The following GDAP1 variants were observed in gnomAD, a reference collection of about 807,000 sequenced individuals.
GDAP1 encodes the protein ganglioside-induced differentiation-associated protein 1.
In GDAP1, 34 loss-of-function variants were observed where a neutral mutation model predicts 40.1. The ratio of observed to expected loss-of-function variants is 0.85; its 90% CI spans 0.64 to 1.13. The LOEUF is 1.13. Ranked by LOEUF, GDAP1 falls within the 50% of genes most tolerant of loss-of-function variation. The probability of loss-of-function intolerance (pLI) is 0.00; values close to 1 mark genes in which losing one functional copy is unlikely to be tolerated. For synonymous variants in GDAP1, 170 were observed against 157.4 expected, an observed-to-expected ratio of 1.08 and a Z score of -0.60; for missense variants, 374 against 433.7, an observed-to-expected ratio of 0.86 and a Z score of 1.22.
At chr8:74,423,217 T>C (rs1805902054) in intron 2 of GDAP1, among the ~76,000 whole-genome samples, 1 of 147,100 alleles carries the variant, frequency 6.8e-6, no homozygotes, top group African/African-American at 2.5e-5. Context: ...AGTATATATG[T>C]ATACTATATA....
At chr8:74,484,188 A>G (rs1026119846) in intron 2 of GDAP1, among the ~76,000 whole-genome samples, 5 of 152,326 alleles carry the variant, frequency 3.3e-5, no homozygotes, top group African/African-American at 7.2e-5. Context: ...GTGAAGTTAT[A>G]TTATAAAATT....
chr8:74,426,069 G>A (rs1805944088), intron 2 of GDAP1, among the ~76,000 whole-genome samples: 1 of 152,172 alleles, frequency 6.6e-6, no homozygotes, highest in South Asian at 2.1e-4. Context: ...AGATATACAT[G>A]AATATTGCAT....
intron 2 of GDAP1, among the ~76,000 whole-genome samples, chr8:74,389,971 G>A (rs573893041): frequency 2.0e-5 from 3 of 151,890 alleles, no homozygotes; most frequent in African/African-American, 4.8e-5. Flanking sequence ...CTTTTCTTCC[G>A]CTAGATCAAT....
At chr8:74,468,156 C>G (rs1395324803) in intron 2 of GDAP1, among the ~76,000 whole-genome samples, 1 of 151,908 alleles carries the variant, frequency 6.6e-6, no homozygotes, top group Non-Finnish European at 1.5e-5. Context: ...GCACCATACT[C>G]TTTAAATTAC....
At chr8:74,359,640 A>G (rs1809259465) in intron 2 of GDAP1, among the ~76,000 whole-genome samples, 1 of 152,174 alleles carries the variant, frequency 6.6e-6, no homozygotes, top group Middle Eastern at 3.2e-3. Context: ...CATTCAATTA[A>G]CCAAACTTTA....
chr8:74,420,639 A>G (rs1205531686), intron 2 of GDAP1, among the ~76,000 whole-genome samples: 2 of 152,096 alleles, frequency 1.3e-5, no homozygotes, highest in Non-Finnish European at 2.9e-5. Context: ...TACCTACTTC[A>G]TTTCTTCCTT....
chr8:74,398,862 C>T lies in GDAP1; in HGVS notation c.165+47541C>T, dbSNP rs1234824874. On this transcript the variant is annotated intron_variant, in intron 2 of 2. Transcript: ENST00000523640. ...ATGCTGGATTGCATTTATTGATTTG[C>T]GTATATTGAACCAGCCTTGCATCGC... 5.3e-5 allele frequency among the ~76,000 whole-genome samples: 8 copies of T among 151,910 alleles called. 1 individual carries two copies. Among genetic ancestry groups the T allele is most frequent in the East Asian group, 3.9e-4 (2 of 5,192 alleles).
chr8:74,352,395 CCA>C (rs1191002142), intron 2 of GDAP1, among the ~76,000 whole-genome samples: 1 of 128,638 alleles, frequency 7.8e-6, no homozygotes, highest in Non-Finnish European at 1.6e-5. Context: ...TCATCTGCCA[CCA>C]GTTATGTTGA....
intron 2 of GDAP1, among the ~76,000 whole-genome samples, chr8:74,410,910 A>G (rs896497457): frequency 6.7e-6 from 1 of 150,230 alleles, no homozygotes; most frequent in Admixed American, 6.6e-5. Context: ...TGTCCCACCC[A>G]AATCTCATCT....
intron 2 of GDAP1, among the ~76,000 whole-genome samples, chr8:74,486,654 G>A (rs886787043): frequency 3.9e-5 from 6 of 152,174 alleles, no homozygotes; most frequent in South Asian, 4.1e-4. Context: ...ACTGAGTAGT[G>A]AAGGTTGTTG....
At chr8:74,474,967 C>T (rs996364515) in intron 2 of GDAP1, among the ~76,000 whole-genome samples, 2 of 152,016 alleles carry the variant, frequency 1.3e-5, no homozygotes, top group African/African-American at 4.8e-5. Context: ...AATTTTGGCG[C>T]TCATTGTTGG....
At position 74,410,916 on chromosome 8, in the gene GDAP1, C is replaced by T. The variant is rs562890178; in HGVS notation, c.165+59595C>T. ...GTTTGGCTGTGTCCCACCCAAATCT[C>T]ATCTCAAATTGTAATCCCCATGTGT... On this transcript the variant is annotated intron_variant, in intron 2 of 2. Transcript: ENST00000523640. Among the ~76,000 whole-genome samples, 46 of 150,274 alleles carry T rather than the reference C, an allele frequency of 3.1e-4. 4 individuals are homozygous for T. Among genetic ancestry groups the T allele is most frequent in the African/African-American group, 1.1e-3 (45 of 39,568 alleles).
At chr8:74,400,072 G>A (rs1810295707) in intron 2 of GDAP1, among the ~76,000 whole-genome samples, 1 of 148,060 alleles carries the variant, frequency 6.8e-6, no homozygotes, top group African/African-American at 2.7e-5. Context: ...AGGTCCGCTT[G>A]GTGCAGAGCT....
chr8:74,396,352 A>C (rs1810199368), intron 2 of GDAP1, among the ~76,000 whole-genome samples: 1 of 149,768 alleles, frequency 6.7e-6, no homozygotes, highest in African/African-American at 2.4e-5. Flanking sequence ...CCTTCCTTTT[A>C]TTTTATTATT....
chr8:74,409,714 C>T (rs1048829406), intron 2 of GDAP1, among the ~76,000 whole-genome samples: 1 of 150,036 alleles, frequency 6.7e-6, no homozygotes, highest in Non-Finnish European at 1.5e-5. Flanking sequence ...GGAATTGAAA[C>T]TTACCAGGTT....
chr8:74,405,931 A>G (rs569114227), intron 2 of GDAP1, among the ~76,000 whole-genome samples: 14 of 150,142 alleles, frequency 9.3e-5, no homozygotes, highest in Non-Finnish European at 2.1e-4. Flanking sequence ...GTGTTCTGGC[A>G]GAGAATAGAT....
chr8:74,435,651 G>T (rs1213324274), intron 2 of GDAP1, among the ~76,000 whole-genome samples: 1 of 152,184 alleles, frequency 6.6e-6, no homozygotes, highest in Non-Finnish European at 1.5e-5. Flanking sequence ...AGATCAAAGA[G>T]TAAGAATCTT....
rs574924859 is a variant in GDAP1 at position 74,351,921 on chromosome 8, GAATT to G, written c.310+456_310+459del. Among the ~76,000 whole-genome samples the G allele has an allele frequency of 2.0e-5, 3 of 152,266 alleles. No individual in the cohort carries two copies. The South Asian group carries it at 6.2e-4, about 32-fold the overall frequency. On this transcript the variant is annotated intron_variant, in intron 2 of 5. Transcript: ENST00000220822. ...TGAGTTCTTTGCCCCAGTCACTTCT[GAATT>G]GTTTGAATTTTATATCTTTACTAAG... is the stretch of plus-strand genomic sequence containing the variant.
intron 2 of GDAP1, among the ~76,000 whole-genome samples, chr8:74,434,637 C>A (rs1198886717): frequency 6.6e-6 from 1 of 152,202 alleles, no homozygotes; most frequent in East Asian, 1.9e-4. Context: ...GCCAACTCTG[C>A]TCATGGATAG....
Sources: gnomAD v4.1 joint callset for allele counts (sites outside exome capture counted in the v4.1 genomes callset) on GRCh38, gnomAD v4.1.1 for gene constraint, MANE v1.5 for transcripts, NCBI Gene and HGNC (gene_info 2026-07-23, HGNC 2026-07-21) for gene names.